Variants in TENM1 observed in about 807,000 individuals in gnomAD.
TENM1 encodes teneurin transmembrane protein 1.
Under a neutral mutation model 174.8 loss-of-function variants are expected in TENM1, and 35 were observed. The observed-to-expected ratio is 0.20, with a 90% CI of 0.15 to 0.27. The LOEUF is 0.27. Among genes scored for constraint, TENM1 ranks in the 10% least tolerant of loss-of-function variants. The pLI, the probability that TENM1 is intolerant of heterozygous loss-of-function variation, is 1.00. For synonymous variants in TENM1, 781 were observed against 798.7 expected, an observed-to-expected ratio of 0.98 and a Z score of 0.37; for missense variants, 1,633 against 2,130.1, an observed-to-expected ratio of 0.77 and a Z score of 4.59.
Position 124,497,078 on chromosome X carries a change from G to A in TENM1, c.3633C>T (p.Gly1211=), listed in dbSNP as rs779408987. The change falls in exon 20 of 32, where the codon GGC becomes GGT. Residue 1211 remains glycine (G), a synonymous_variant. Transcript: ENST00000422452. ...ATATTCTCCTTACAAAATTGAAGTC[G>A]CCAACATACACACTGCCATCAGGGC... The A allele has an allele frequency of 2.5e-6, 3 of 1,208,957 alleles. No individual in the cohort carries two copies. Among genetic ancestry groups the A allele is most frequent in the East Asian group, 3.0e-5 (1 of 33,755 alleles).
At chrX:124,498,540 A>C (rs926116545) in intron 19 of TENM1, among the ~76,000 whole-genome samples, 7 of 109,603 alleles carry the variant, frequency 6.4e-5, no homozygotes, top group African/African-American at 2.3e-4. Context: ...TAGCCAGAAC[A>C]AACTACTTAT....
intron 11 of TENM1, among the ~76,000 whole-genome samples, chrX:124,615,066 G>GT (rs780464866): frequency 8.9e-6 from 1 of 112,105 alleles, no homozygotes; most frequent in East Asian, 2.8e-4. Context: ...CTTAATTCCT[G>GT]TTTTTCCCAC....
chrX:125,089,836 G>T, the TENM1 span, among the ~76,000 whole-genome samples: 15 of 111,455 alleles, frequency 1.3e-4, no homozygotes, highest in Non-Finnish European at 2.3e-4. Context: ...GCACTTCTGG[G>T]GAAGATGTAA....
At chrX:125,142,034 T>C in the TENM1 span, among the ~76,000 whole-genome samples, 2,728 of 111,953 alleles carry the variant, frequency 0.024, 65 homozygotes, top group African/African-American at 0.084. Context: ...GAGAATACTA[T>C]ATAATGCACA....
chrX:124,777,211 C>T (rs747384498), intron 3 of TENM1, among the ~76,000 whole-genome samples: 18 of 111,700 alleles, frequency 1.6e-4, no homozygotes, highest in African/African-American at 4.5e-4. Context: ...TTTCTGCTTA[C>T]TGCTCTTAAC....
intron 5 of TENM1, among the ~76,000 whole-genome samples, chrX:124,673,956 G>A (rs371800327): frequency 2.7e-5 from 3 of 111,180 alleles, no homozygotes; most frequent in Non-Finnish European, 3.8e-5. Flanking sequence ...CTGGATTTGT[G>A]TTTTGTTGAT....
At position 124,646,866 on chromosome X, in the gene TENM1, C is replaced by G. The variant is rs2051173203; in HGVS notation, c.1580-56G>C. On this transcript the variant is annotated intron_variant, in intron 8 of 31. Transcript: ENST00000422452. The stretch of plus-strand genomic sequence containing the variant: ...TGAACGCATCTCCAGGCTGTAGAGT[C>G]TTTATTTTTTTTTAAGTTGCAGGAA... 16 of 892,912 alleles carry G rather than the reference C, an allele frequency of 1.8e-5. 1 individual carries two copies. The highest frequency in any genetic ancestry group is 8.1e-5 in the African/African-American group (4 of 49,259). The allele number at this position is 892,912 out of a possible 1,213,427, so 73.6% of individuals were successfully genotyped here. A position where few individuals can be genotyped will look rare whatever the true frequency, so the allele number is the denominator to read the frequency against.
At chrX:124,916,274 G>T (rs1169988172) in intron 1 of TENM1, among the ~76,000 whole-genome samples, 2 of 111,410 alleles carry the variant, frequency 1.8e-5, no homozygotes, top group Non-Finnish European at 3.8e-5. Context: ...CACCTGCTAT[G>T]GTTTGAATGT....
intron 3 of TENM1, among the ~76,000 whole-genome samples, chrX:124,873,635 T>C (rs1051988446): frequency 2.7e-5 from 3 of 111,601 alleles, no homozygotes; most frequent in African/African-American, 9.7e-5. Flanking sequence ...AACTGGGTCA[T>C]AGACAAGAAA....
rs1190388752 is a variant in TENM1 at position 124,706,946 on chromosome X, CTT to C, written c.777-1697_777-1696del. ...CATTTGGGGTTCCAAAGTCCTTAAT[CTT>C]TTTTTTTTTTTTTTTTTTTGAGACG... On this transcript the variant is annotated intron_variant, in intron 4 of 31. Coordinates refer to ENST00000422452, the Ensembl canonical transcript of TENM1. Among the ~76,000 whole-genome samples the C allele has an allele frequency of 1.3e-3, 112 of 87,992 alleles. 1 individual carries two copies. The highest frequency in any genetic ancestry group is 7.0e-3 in the South Asian group (13 of 1,848). The allele number at this position is 87,992 out of a possible 115,157, so 76.4% of individuals were successfully genotyped here. A position where few individuals can be genotyped will look rare whatever the true frequency, so the allele number is the denominator to read the frequency against.
chrX:125,161,802 C>T, the TENM1 span, among the ~76,000 whole-genome samples: 1 of 112,064 alleles, frequency 8.9e-6, no homozygotes, highest in Non-Finnish European at 1.9e-5. Flanking sequence ...AATTGTATTT[C>T]AATAAAGCTA....
the TENM1 span, among the ~76,000 whole-genome samples, chrX:125,161,143 C>A: frequency 2.7e-5 from 3 of 109,255 alleles, no homozygotes; most frequent in Admixed American, 2.9e-4. Flanking sequence ...TATGGTTATC[C>A]CTTGATATCC....
intron 6 of TENM1, among the ~76,000 whole-genome samples, chrX:124,665,684 T>C: frequency 8.9e-6 from 1 of 112,219 alleles, no homozygotes; most frequent in South Asian, 3.7e-4. Flanking sequence ...GCATAGTGTG[T>C]ACAGCTGAAA....
chrX:124,581,144 A>C, intron 11 of TENM1, among the ~76,000 whole-genome samples: 1 of 100,494 alleles, frequency 1.0e-5, no homozygotes, highest in East Asian at 3.1e-4. Flanking sequence ...AGCTCACTGC[A>C]ACCTCCACCT....
the TENM1 span, among the ~76,000 whole-genome samples, chrX:125,056,277 C>T: frequency 9.0e-6 from 1 of 111,135 alleles, no homozygotes; most frequent in Non-Finnish European, 1.9e-5. Flanking sequence ...AATTATTTCA[C>T]TAAGTGACAG....
chrX:124,716,504 C>A (rs1011642098), intron 4 of TENM1, among the ~76,000 whole-genome samples: 3 of 112,271 alleles, frequency 2.7e-5, no homozygotes, highest in Non-Finnish European at 5.6e-5. Context: ...GAGCCTAGTA[C>A]AATTGTTACA....
At chrX:125,146,056 A>G in the TENM1 span, among the ~76,000 whole-genome samples, 1 of 112,176 alleles carries the variant, frequency 8.9e-6, no homozygotes, top group Non-Finnish European at 1.9e-5. Flanking sequence ...CTTTAGAGTC[A>G]TTAGACAACC....
At chrX:124,425,743 G>A (rs972532317) in intron 23 of TENM1, among the ~76,000 whole-genome samples, 1 of 111,937 alleles carries the variant, frequency 8.9e-6, no homozygotes, top group African/African-American at 3.3e-5. Context: ...TTGTTTTGAT[G>A]GCTGTGGGAA....
chrX:124,854,476 C>T (rs1394624820), intron 3 of TENM1, among the ~76,000 whole-genome samples: 2 of 111,124 alleles, frequency 1.8e-5, no homozygotes, highest in Non-Finnish European at 1.9e-5. Context: ...CCAAACACCA[C>T]GTGTTCCCTC....
Sources: allele counts gnomAD v4.1 joint callset (sites outside exome capture counted in the v4.1 genomes callset), GRCh38; gene constraint gnomAD v4.1.1; transcripts MANE v1.5; gene names NCBI Gene and HGNC (gene_info 2026-07-23, HGNC 2026-07-21).